The following CYP2J2 variants were observed in gnomAD, a reference collection of about 807,000 sequenced individuals.
The protein encoded by CYP2J2 is cytochrome P450 2J2.
Under a neutral mutation model 48.8 loss-of-function variants are expected in CYP2J2, and 41 were observed. The ratio of observed to expected loss-of-function variants is 0.84; its 90% CI spans 0.66 to 1.09. CYP2J2 has a LOEUF of 1.09. Among genes scored for constraint, CYP2J2 ranks in the 50% least tolerant of loss-of-function variants. The probability of loss-of-function intolerance (pLI) is 0.00; values close to 1 mark genes in which losing one functional copy is unlikely to be tolerated. For missense variants in CYP2J2, 644 were observed against 617.3 expected, an observed-to-expected ratio of 1.04 and a Z score of -0.46; for synonymous variants, 221 against 227.1, an observed-to-expected ratio of 0.97 and a Z score of 0.24.
At chr1:59,919,421 G>T (rs1409266952) in intron 1 of CYP2J2, among the ~76,000 whole-genome samples, 1 of 152,256 alleles carries the variant, frequency 6.6e-6, no homozygotes, top group Non-Finnish European at 1.5e-5. Flanking sequence ...GAGTGTATGT[G>T]TGTGTGTGCA....
rs762412473 is a variant in CYP2J2, at chr1:59,907,839, G to A, written c.950C>T (p.Ser317Phe). The A allele has an allele frequency of 5.6e-6, 9 of 1,614,136 alleles. No individual in the cohort carries two copies. Among genetic ancestry groups the A allele is most frequent in the Non-Finnish European group, 5.1e-6 (6 of 1,180,014 alleles). ...DLFFAGTETT[S>F]TTLRWALLYM... Reference sequence around the variant, plus strand: ...AAGCAGAGCCCATCGCAGAGTTGTGGAAGTTGTCTCGGTTCCGGCAAAGAA... The same window carrying A: ...AAGCAGAGCCCATCGCAGAGTTGTGAAAGTTGTCTCGGTTCCGGCAAAGAA... Residue 317 changes from serine (S) to phenylalanine (F), a missense_variant, in exon 6 of 9, where the codon TCC becomes TTC. By Grantham distance (155) the Ser-to-Phe change is radical. Transcript: ENST00000371204.
At chr1:59,926,813 G>C, upstream of CYP2J2, 1 of 1,412,932 alleles carries the variant, frequency 7.1e-7, no homozygotes, top group East Asian at 2.5e-5. Flanking sequence ...GACGGTCCCC[G>C]CCCCGCCTCG....
chr1:59,935,015 CAT>C, the CYP2J2 span, among the ~76,000 whole-genome samples: 1,267 of 47,354 alleles, frequency 0.027, 32 homozygotes, highest in Middle Eastern at 0.075. Context: ...TATATATATA[CAT>C]ATATATATAT....
intron 5 of CYP2J2, among the ~76,000 whole-genome samples, chr1:59,909,574 G>C (rs899822598): frequency 9.9e-5 from 15 of 152,184 alleles, no homozygotes; most frequent in African/African-American, 3.6e-4. Context: ...TTCTCCTCCA[G>C]CACCTCCAAA....
chr1:59,905,225 C>T (rs1432384515), intron 6 of CYP2J2, among the ~76,000 whole-genome samples, 167 bp from the exon 7 acceptor site: 1 of 152,166 alleles, frequency 6.6e-6, no homozygotes, highest in Non-Finnish European at 1.5e-5. Context: ...AAACTACCAC[C>T]TCTGTAAATC....
At chr1:59,948,481 TTA>T in the CYP2J2 span, among the ~76,000 whole-genome samples, 12 of 152,012 alleles carry the variant, frequency 7.9e-5, no homozygotes, top group African/African-American at 2.6e-4. Flanking sequence ...CATAAATTAT[TTA>T]TGTTATAAAA....
At chr1:59,944,623 C>T in the CYP2J2 span, among the ~76,000 whole-genome samples, 16 of 152,278 alleles carry the variant, frequency 1.1e-4, no homozygotes, top group African/African-American at 3.6e-4. Flanking sequence ...ACTGGATTTC[C>T]TTGCCAAGAG....
chr1:59,954,739 T>C, the CYP2J2 span, among the ~76,000 whole-genome samples: 3 of 151,994 alleles, frequency 2.0e-5, no homozygotes, highest in Admixed American at 6.6e-5. Flanking sequence ...AAGATTCTCA[T>C]TATGAAGGAG....
At chr1:59,958,244 C>A in the CYP2J2 span, among the ~76,000 whole-genome samples, 2 of 152,176 alleles carry the variant, frequency 1.3e-5, no homozygotes, top group Non-Finnish European at 2.9e-5. Flanking sequence ...TATCCCTATA[C>A]ATTCTGTACA....
chr1:59,956,882 A>ACATGTAG, the CYP2J2 span, among the ~76,000 whole-genome samples: 1 of 152,176 alleles, frequency 6.6e-6, no homozygotes. Flanking sequence ...GTCAGAACAC[A>ACATGTAG]CATGTAGCTT....
At chr1:59,965,271 A>G in the CYP2J2 span, among the ~76,000 whole-genome samples, 3 of 152,152 alleles carry the variant, frequency 2.0e-5, no homozygotes, top group Non-Finnish European at 4.4e-5. Flanking sequence ...AATTGACAGG[A>G]GAGGGTGAGG....
In CYP2J2 at chr1:59,893,592, G is replaced by T; in HGVS notation, c.*59C>A. ...CCAACACATCTGAGCAGACACCAGT[G>T]GTTTCAGAACACGTGCCATGTCTTC... On this transcript the variant is annotated 3_prime_UTR_variant, in exon 9 of 9. Transcript: ENST00000371204. 1 of 1,310,756 alleles carries T rather than the reference G, an allele frequency of 7.6e-7. No homozygotes were observed. The highest frequency in any genetic ancestry group is 1.1e-6 in the Non-Finnish European group (1 of 949,248). The allele number at this position is 1,310,756 out of a possible 1,614,324, so 81.2% of individuals were successfully genotyped here.
intron 1 of CYP2J2, among the ~76,000 whole-genome samples, chr1:59,916,895 G>C (rs1445487102): frequency 6.6e-6 from 1 of 152,026 alleles, no homozygotes; most frequent in African/African-American, 2.4e-5. Flanking sequence ...ACCAAGTATG[G>C]ACTTCTTAGT....
the CYP2J2 span, among the ~76,000 whole-genome samples, chr1:59,957,809 C>T: frequency 6.6e-6 from 1 of 152,072 alleles, no homozygotes; most frequent in African/African-American, 2.4e-5. Flanking sequence ...CACAATGACA[C>T]ACGGTCTTAA....
the CYP2J2 span, among the ~76,000 whole-genome samples, chr1:59,939,329 G>T: frequency 6.6e-6 from 1 of 152,184 alleles, no homozygotes; most frequent in Non-Finnish European, 1.5e-5. Flanking sequence ...GGTTCTTGCA[G>T]GCTCATAGAA....
At chr1:59,941,695 T>A in the CYP2J2 span, among the ~76,000 whole-genome samples, 7 of 152,160 alleles carry the variant, frequency 4.6e-5, no homozygotes, top group Admixed American at 6.6e-5. Context: ...TCTGACCCTG[T>A]GTAGGCCTAG....
rs1480778227 is a variant in CYP2J2 at position 59,893,353 on chromosome 1, T to G, written c.*298A>C. 3.5e-6 allele frequency: 1 copy of G among 283,890 alleles called. No homozygotes were observed. Among genetic ancestry groups the G allele is most frequent in the African/African-American group, 2.2e-5 (1 of 46,026 alleles). The allele number at this position is 283,890 out of a possible 1,614,324, so 17.6% of individuals were successfully genotyped here. A position where few individuals can be genotyped will look rare whatever the true frequency, so the allele number is the denominator to read the frequency against. ...TGTGTTTTATGGTTTACAAACCACT[T>G]AAAGCTCACCATTTCTTTTGATTCT... is the stretch of plus-strand genomic sequence containing the variant. On this transcript the variant is annotated 3_prime_UTR_variant, in exon 9 of 9. Transcript: ENST00000371204.
At chr1:59,894,808 T>C (rs1574242996) in intron 8 of CYP2J2, among the ~76,000 whole-genome samples, 2 of 152,262 alleles carry the variant, frequency 1.3e-5, no homozygotes, top group South Asian at 2.1e-4. Context: ...TTGATCTGGT[T>C]AATTCTCAAA....
In CYP2J2 at chr1:59,904,909, T is replaced by G; in HGVS notation, c.1153A>C (p.Thr385Pro). 1 of 1,613,894 alleles carries G rather than the reference T, an allele frequency of 6.2e-7. No individual in the cohort carries two copies. The highest frequency in any genetic ancestry group is 2.2e-5 in the East Asian group (1 of 44,848). ...TACCCAGCCAAAGTGGTATCAACTG[T>G]CACTTCCCTGGGAACGTTCAGGGGG... Reference protein sequence around the residue: ...IIPLNVPREVTVDTTLAGYHL... With the variant: ...IIPLNVPREVPVDTTLAGYHL... Residue 385 changes from threonine (T) to proline (P), a missense_variant, in exon 7 of 9, where the codon ACA (threonine) becomes CCA (proline). By Grantham distance (38) the Thr-to-Pro change is conservative. Transcript: ENST00000371204.
Sources: allele counts gnomAD v4.1 joint callset (sites outside exome capture counted in the v4.1 genomes callset), GRCh38; gene constraint gnomAD v4.1.1; transcripts MANE v1.5; gene names NCBI Gene and HGNC (gene_info 2026-07-23, HGNC 2026-07-21).